The following DISP1 variants were observed in gnomAD, a reference collection of about 807,000 sequenced individuals.
The protein encoded by DISP1 is dispatched RND transporter family member 1.
A neutral mutation model predicts 37.3 loss-of-function variants in DISP1; 30 were observed. The ratio of observed to expected loss-of-function variants is 0.80; its 90% confidence interval spans 0.60 to 1.09. DISP1 has a LOEUF of 1.09. Ranked by LOEUF, DISP1 falls within the 50% of genes least tolerant of loss-of-function variation. The pLI, the probability that DISP1 is intolerant of heterozygous loss-of-function variation, is 0.00. For synonymous variants in DISP1, 634 were observed against 690.2 expected (o/e 0.92, Z 1.28); for missense variants, 1,598 against 1,879.5 (o/e 0.85, Z 2.77).
chr1:222,936,627 CTCTCATATATATGAGATATATATA>C (rs1673764633), intron 2 of DISP1, among the ~76,000 whole-genome samples: 2 of 84,376 alleles, frequency 2.4e-5, no homozygotes, highest in Admixed American at 1.3e-4. Context: ...ATATATATAT[CTCTCATATATATGAGATATATATA>C]TCTCTCATAT....
Position 222,830,252 on chromosome 1 carries a change from G to C in DISP1, c.-159+15174G>C, listed in dbSNP as rs181152334. Among the ~76,000 whole-genome samples, 325 of 151,962 alleles carry C rather than the reference G, an allele frequency of 2.1e-3. 1 individual carries two copies. Among genetic ancestry groups the C allele is most frequent in the Admixed American group, 8.6e-3 (132 of 15,262 alleles). ...CTTTGAAAGTAGATTTTATTTTTTTGGGGGGGTCATTTCAATGAAAAGAAG... is the reference window on the plus strand; with the variant it reads ...CTTTGAAAGTAGATTTTATTTTTTTCGGGGGGTCATTTCAATGAAAAGAAG... On this transcript the variant is annotated intron_variant, in intron 1 of 8. Coordinates refer to ENST00000675850, the MANE Select transcript of DISP1 (RefSeq NM_001377229.1).
chr1:222,994,788 G>A, intron 7 of DISP1, 97 bp from the exon 8 acceptor site: 1 of 869,102 alleles, frequency 1.2e-6, no homozygotes, highest in Non-Finnish European at 1.9e-6. Context: ...TCATCCATGT[G>A]GTTTCCCAGT....
Position 223,003,463 on chromosome 1 carries a change from A to T in DISP1, c.2066A>T (p.Gln689Leu), listed in dbSNP as rs773625592. 3 of 1,614,074 alleles carry T rather than the reference A, an allele frequency of 1.9e-6. No homozygotes were observed. Among genetic ancestry groups the T allele is most frequent in the Non-Finnish European group, 2.5e-6 (3 of 1,180,050 alleles). Reference protein sequence around the residue: ...DNKSCWTVACQKCHKVLFAIS... With the variant: ...DNKSCWTVACLKCHKVLFAIS... ...AAAAGCTGCTGGACAGTGGCTTGCC[A>T]GAAGTGCCACAAAGTACTCTTTGCC... Residue 689 changes from glutamine (Q) to leucine (L), a missense_variant, in exon 9 of 9, where the codon CAG becomes CTG. Transcript: ENST00000675850. The surrounding 1 kb of genome is among the most constrained non-coding windows in gnomAD (Gnocchi z 4.3).
intron 2 of DISP1, among the ~76,000 whole-genome samples, chr1:222,940,658 A>G (rs1674314874): frequency 6.6e-6 from 1 of 152,204 alleles, no homozygotes; most frequent in African/African-American, 2.4e-5. Context: ...ACATTAACCA[A>G]CCTGGGATGG....
chr1:222,995,013 G>C, intron 8 of DISP1, 31 bp downstream of exon 8: 2 of 1,521,984 alleles, frequency 1.3e-6, no homozygotes, highest in Non-Finnish European at 1.8e-6. Context: ...AATCTCCTTA[G>C]CACAAATAAG....
At chr1:222,961,581 C>T (rs568261711) in intron 3 of DISP1, among the ~76,000 whole-genome samples, 28 of 152,160 alleles carry the variant, frequency 1.8e-4, no homozygotes, top group Non-Finnish European at 3.7e-4. Context: ...GCTCTCTCGC[C>T]ACTCCTATTC....
At position 222,942,682 on chromosome 1, in the gene DISP1, C is replaced by G. The variant is rs201981687; in HGVS notation, c.-17-125C>G. ...CATCACAGATGCTGCGGAATTTCTACCACTGTCTCACAACTCTGCAAGAAC... is the reference window on the plus strand; with the variant it reads ...CATCACAGATGCTGCGGAATTTCTAGCACTGTCTCACAACTCTGCAAGAAC... On this transcript the variant is annotated intron_variant, in intron 2 of 8. Transcript: ENST00000675850. 28 of 1,086,014 alleles carry G rather than the reference C, an allele frequency of 2.6e-5. No individual in the cohort carries two copies. In the East Asian group the frequency reaches 6.3e-4, roughly 24 times the overall value. 67.3% of individuals were successfully genotyped at this position (1,086,014 alleles called of 1,614,324 possible). A position where few individuals can be genotyped will look rare whatever the true frequency, so the allele number is the denominator to read the frequency against.
At chr1:222,982,406 G>GA (rs1334832033) in intron 3 of DISP1, among the ~76,000 whole-genome samples, 13 of 152,224 alleles carry the variant, frequency 8.5e-5, no homozygotes, top group Middle Eastern at 6.8e-3. Context: ...CAGTAAATAG[G>GA]AAAAAAATAA....
chr1:222,906,417 A>T (rs150999579), intron 1 of DISP1, among the ~76,000 whole-genome samples: 3 of 151,974 alleles, frequency 2.0e-5, no homozygotes, highest in African/African-American at 7.3e-5. Context: ...GGGGCTGGGT[A>T]AAAAAAACGC....
At chr1:222,929,210 T>C (rs1673246631) in intron 2 of DISP1, among the ~76,000 whole-genome samples, 1 of 151,974 alleles carries the variant, frequency 6.6e-6, no homozygotes, top group Admixed American at 6.6e-5. Context: ...GTAACTACAA[T>C]AGTGACTGCA....
At chr1:222,836,423 A>G (rs1667049585) in intron 1 of DISP1, among the ~76,000 whole-genome samples, 1 of 152,198 alleles carries the variant, frequency 6.6e-6, no homozygotes, top group Non-Finnish European at 1.5e-5. Context: ...ACCATTTAAC[A>G]TCTGGGAGTG....
At chr1:222,970,765 A>G (rs1255445168) in intron 3 of DISP1, among the ~76,000 whole-genome samples, 3 of 152,162 alleles carry the variant, frequency 2.0e-5, no homozygotes, top group Non-Finnish European at 4.4e-5. Context: ...TAAAAAATAC[A>G]TTATACTTAG....
At chr1:222,931,345 A>G (rs1380334678) in intron 2 of DISP1, among the ~76,000 whole-genome samples, 2 of 151,812 alleles carry the variant, frequency 1.3e-5, no homozygotes, top group Non-Finnish European at 1.5e-5. Flanking sequence ...TGAAGTATTA[A>G]ACATCCATGG....
At chr1:222,854,040 A>C (rs1255467499) in intron 1 of DISP1, among the ~76,000 whole-genome samples, 1 of 152,226 alleles carries the variant, frequency 6.6e-6, no homozygotes, top group East Asian at 1.9e-4. Flanking sequence ...GCTCTCATCA[A>C]GATTTTTGTG....
At chr1:222,860,002 A>G (rs532682213) in intron 1 of DISP1, among the ~76,000 whole-genome samples, 1 of 152,368 alleles carries the variant, frequency 6.6e-6, no homozygotes, top group East Asian at 1.9e-4. Context: ...AGAGGCAGCT[A>G]ATCAGAAGGA....
chr1:222,937,593 T>C (rs1674047813), intron 2 of DISP1, among the ~76,000 whole-genome samples: 1 of 152,186 alleles, frequency 6.6e-6, no homozygotes, highest in African/African-American at 2.4e-5. Flanking sequence ...AGATGGTTTT[T>C]GGCCAAAGAC....
At chr1:222,843,572 G>A (rs905498964) in intron 1 of DISP1, among the ~76,000 whole-genome samples, 10 of 149,792 alleles carry the variant, frequency 6.7e-5, no homozygotes, top group South Asian at 2.1e-4. Flanking sequence ...ATGGGGGGGG[G>A]AAATTTCTTT....
chr1:222,953,491 C>T (rs1315522711), intron 3 of DISP1, among the ~76,000 whole-genome samples: 7 of 152,084 alleles, frequency 4.6e-5, no homozygotes, highest in Non-Finnish European at 4.4e-5. Context: ...ATTTGCCTTC[C>T]GGAGGAGGAA....
chr1:222,824,199 G>C (rs35356885), intron 1 of DISP1, among the ~76,000 whole-genome samples: 16,510 of 152,060 alleles, frequency 0.11, 1,264 homozygotes, highest in South Asian at 0.16. Flanking sequence ...TTCCACCAAA[G>C]AGGAAAAGTT....
Sources: gnomAD v4.1 joint callset for allele counts (sites outside exome capture counted in the v4.1 genomes callset) on GRCh38, gnomAD v4.1.1 for gene constraint, Gnocchi (gnomAD v3.1) non-coding constraint, MANE v1.5 for transcripts, NCBI Gene and HGNC (gene_info 2026-07-23, HGNC 2026-07-21) for gene names.